Variants in SPOCK3 observed in about 807,000 individuals in gnomAD.
SPOCK3 encodes the protein testican-3.
A neutral mutation model predicts 56.6 loss-of-function variants in SPOCK3; 30 were observed. The observed-to-expected ratio is 0.53, with a 90% confidence interval of 0.40 to 0.72. The LOEUF is 0.72. SPOCK3 is among the 30% of genes least tolerant of loss of function. The probability of loss-of-function intolerance (pLI) is 0.00; values close to 1 mark genes in which losing one functional copy is unlikely to be tolerated. For missense variants in SPOCK3, 527 were observed against 530.0 expected, an observed-to-expected ratio of 0.99 and a Z score of 0.06; for synonymous variants, 196 against 183.3, an observed-to-expected ratio of 1.07 and a Z score of -0.56.
At chr4:166,852,153 GT>G (rs1387516285) in intron 6 of SPOCK3, among the ~76,000 whole-genome samples, 3 of 151,864 alleles carry the variant, frequency 2.0e-5, no homozygotes, top group East Asian at 3.9e-4. Flanking sequence ...GTTGTGGGTT[GT>G]GGGGAGGGGG....
chr4:167,101,557 G>A (rs902883474), intron 2 of SPOCK3, among the ~76,000 whole-genome samples: 3 of 150,208 alleles, frequency 2.0e-5, no homozygotes, highest in Non-Finnish European at 4.5e-5. Flanking sequence ...TATGATCTAT[G>A]CTTGTTAATT....
chr4:166,883,659 T>C (rs1423313464), intron 6 of SPOCK3, among the ~76,000 whole-genome samples: 1 of 152,150 alleles, frequency 6.6e-6, no homozygotes, highest in Non-Finnish European at 1.5e-5. Flanking sequence ...GCTGGACCCA[T>C]TGTACTTAGA....
At chr4:167,112,016 T>C (rs893848902) in intron 2 of SPOCK3, among the ~76,000 whole-genome samples, 9 of 152,052 alleles carry the variant, frequency 5.9e-5, no homozygotes, top group African/African-American at 2.2e-4. Flanking sequence ...TGCCCCAGCC[T>C]CCCAAAGTGC....
At chr4:166,963,502 C>T (rs956837791) in intron 4 of SPOCK3, among the ~76,000 whole-genome samples, 3 of 151,626 alleles carry the variant, frequency 2.0e-5, no homozygotes, top group Non-Finnish European at 2.9e-5. Context: ...GTGTTAGCAC[C>T]GTAACACTAA....
At chr4:167,054,481 A>C (rs913847784) in intron 3 of SPOCK3, among the ~76,000 whole-genome samples, 1 of 152,232 alleles carries the variant, frequency 6.6e-6, no homozygotes, top group African/African-American at 2.4e-5. Flanking sequence ...GTATGTCCTC[A>C]TCAAAACAAT....
At position 166,951,338 on chromosome 4, in the gene SPOCK3, T is replaced by C. The variant is rs1403435498; in HGVS notation, c.351-38595A>G. ...AAAAAACTAGAAAATCTAGAAGAAA[T>C]GGATAAATTCCTCGACACATACACT... On this transcript the variant is annotated intron_variant, in intron 4 of 10. Transcript: ENST00000357545. 2.9e-5 allele frequency among the ~76,000 whole-genome samples: 4 copies of C among 136,038 alleles called. 2 individuals carry two copies. The highest frequency in any genetic ancestry group is 1.2e-4 in the African/African-American group (4 of 32,320). 89.2% of individuals were successfully genotyped at this position (136,038 alleles called of 152,430 possible). A position where few individuals can be genotyped will look rare whatever the true frequency, so the allele number is the denominator to read the frequency against.
At chr4:167,056,739 A>G (rs1437254428) in intron 3 of SPOCK3, among the ~76,000 whole-genome samples, 1 of 152,164 alleles carries the variant, frequency 6.6e-6, no homozygotes, top group South Asian at 2.1e-4. Flanking sequence ...TTAGAGAAAA[A>G]AGAATAAAAA....
chr4:166,796,277 A>G (rs969089682), intron 6 of SPOCK3, among the ~76,000 whole-genome samples: 14 of 152,352 alleles, frequency 9.2e-5, no homozygotes, highest in African/African-American at 3.1e-4. Context: ...AAGAATGAAT[A>G]TACTCATATC....
chr4:166,889,863 CAT>C (rs1382880482), intron 5 of SPOCK3, among the ~76,000 whole-genome samples: 5 of 151,914 alleles, frequency 3.3e-5, no homozygotes, highest in Non-Finnish European at 7.4e-5. Context: ...CATTCATACA[CAT>C]AGAGAACAAA....
chr4:166,874,208 C>A lies in SPOCK3; in HGVS notation c.589+14922G>T, dbSNP rs1477494745. On this transcript the variant is annotated intron_variant, in intron 6 of 10. Transcript: ENST00000357545. ...TAAGCTTGGCGTTCCTCAGCTAATA[C>A]TCAACCCCACCATGTATACAGCATT... 2.0e-5 allele frequency among the ~76,000 whole-genome samples: 3 copies of A among 152,206 alleles called. No homozygotes were observed. In the East Asian group the frequency reaches 5.8e-4, roughly 29 times the overall value.
chr4:166,797,237 T>C (rs1160358570), intron 6 of SPOCK3, among the ~76,000 whole-genome samples: 28 of 148,118 alleles, frequency 1.9e-4, no homozygotes, highest in African/African-American at 5.2e-4. Flanking sequence ...ACCTTTCTTT[T>C]TTTTTTTTTT....
intron 3 of SPOCK3, among the ~76,000 whole-genome samples, chr4:167,013,421 A>T (rs1750287239): frequency 6.6e-6 from 1 of 151,714 alleles, no homozygotes; most frequent in South Asian, 2.1e-4. Flanking sequence ...TTTCTTAATA[A>T]AATAAATGCT....
rs75476330 is a variant in SPOCK3, at chr4:166,855,870, A to G, written c.589+33260T>C. Reference sequence around the variant, plus strand: ...GATGCTGATCCTGATTATCTGGGGAACACATTTTGACACTCTTATGGGGTA... The same window carrying G: ...GATGCTGATCCTGATTATCTGGGGAGCACATTTTGACACTCTTATGGGGTA... On this transcript the variant is annotated intron_variant, in intron 6 of 10. Transcript: ENST00000357545. Among the ~76,000 whole-genome samples, 321 of 152,298 alleles carry G rather than the reference A, an allele frequency of 2.1e-3. 5 individuals are homozygous for G. The East Asian group carries it at 0.047, about 22-fold the overall frequency.
At chr4:166,788,137 G>A (rs1424035739) in intron 7 of SPOCK3, among the ~76,000 whole-genome samples, 1 of 152,078 alleles carries the variant, frequency 6.6e-6, no homozygotes, top group Non-Finnish European at 1.5e-5. Context: ...AGCTGAGATG[G>A]CACCACTGCA....
Position 166,901,559 on chromosome 4 carries a change from C to T in SPOCK3, c.474+11061G>A, listed in dbSNP as rs183705277. Among the ~76,000 whole-genome samples, 10 of 152,252 alleles carry T rather than the reference C, an allele frequency of 6.6e-5. No individual in the cohort carries two copies. In the East Asian group the frequency reaches 1.9e-3, roughly 29 times the overall value. Reference sequence around the variant, plus strand: ...GTTTCTGAAAGGCATTCAGGTCAGTCACAGTCCACTGACCAGATATTTTGG... The same window carrying T: ...GTTTCTGAAAGGCATTCAGGTCAGTTACAGTCCACTGACCAGATATTTTGG... On this transcript the variant is annotated intron_variant, in intron 5 of 10. Transcript: ENST00000357545.
At chr4:167,117,926 C>T (rs1761565470) in intron 2 of SPOCK3, among the ~76,000 whole-genome samples, 2 of 152,164 alleles carry the variant, frequency 1.3e-5, no homozygotes. Context: ...TAGGATGACT[C>T]TGACTCCACT....
In SPOCK3 at chr4:166,741,887, A is replaced by AAATTTAGTG. The variant is rs1579083296; in HGVS notation, c.994+101_994+109dup. The AAATTTAGTG allele has an allele frequency of 1.8e-5, 14 of 776,496 alleles. No individual in the cohort carries two copies. In the East Asian group the frequency reaches 3.6e-4, roughly 20 times the overall value. The allele number at this position is 776,496 out of a possible 1,614,324, so 48.1% of individuals were successfully genotyped here. On this transcript the variant is annotated intron_variant, in intron 9 of 10. Transcript: ENST00000357545. ...AAAAAGTTCATAAATTTTGTTGCTG[A>AAATTTAGTG]AATTTAGTGCAGTCTATCTTTGTTG...
At chr4:166,817,431 T>A (rs1005777618) in intron 6 of SPOCK3, among the ~76,000 whole-genome samples, 1 of 152,058 alleles carries the variant, frequency 6.6e-6, no homozygotes, top group Non-Finnish European at 1.5e-5. Context: ...AGACAGTGCC[T>A]TTGCTCATAA....
intron 3 of SPOCK3, among the ~76,000 whole-genome samples, chr4:167,023,338 G>A (rs938393692): frequency 5.9e-5 from 9 of 151,888 alleles, no homozygotes; most frequent in African/African-American, 2.2e-4. Context: ...ATTCACCTGG[G>A]TGCATTCTAG....
Sources: gnomAD v4.1 joint callset for allele counts (sites outside exome capture counted in the v4.1 genomes callset) on GRCh38, gnomAD v4.1.1 for gene constraint, MANE v1.5 for transcripts, NCBI Gene and HGNC (gene_info 2026-07-23, HGNC 2026-07-21) for gene names.